The following ZBTB25 variants were observed in gnomAD, a reference collection of about 807,000 sequenced individuals.
The protein encoded by ZBTB25 is zinc finger and BTB domain containing 25.
In ZBTB25, 20 loss-of-function variants were observed where a neutral mutation model predicts 34.2. That is an observed-to-expected ratio of 0.58 (90% confidence interval 0.41 to 0.85). ZBTB25 has a LOEUF of 0.85. Ranked by LOEUF, ZBTB25 falls within the 40% of genes least tolerant of loss-of-function variation. The probability of loss-of-function intolerance (pLI) is 0.00; values close to 1 mark genes in which losing one functional copy is unlikely to be tolerated. For synonymous variants in ZBTB25, 175 were observed against 186.4 expected, an observed-to-expected ratio of 0.94 and a Z score of 0.50; for missense variants, 437 against 521.8, an observed-to-expected ratio of 0.84 and a Z score of 1.58.
intron 2 of ZBTB25, chr14:64,458,008 A>G: frequency 1.6e-6 from 1 of 609,566 alleles, no homozygotes; most frequent in Admixed American, 2.7e-5. Context: ...CTCCTGCCTT[A>G]GCATCCCAAG....
rs543054413 is a variant in ZBTB25, at chr14:64,502,834, G to C, written c.-8+827C>G. ...GTCTTCTCTGTAAAACGAGAGGGAT[G>C]AAACAGATTTTCTATAAGGCACCTC... On this transcript the variant is annotated intron_variant, in intron 1 of 2. Coordinates refer to ENST00000608382, the MANE Select transcript of ZBTB25 (RefSeq NM_006977.5). 1.4e-4 allele frequency: 132 copies of C among 973,946 alleles called. 1 individual carries two copies. The South Asian group carries it at 5.5e-3, about 41-fold the overall frequency. 60.3% of individuals were successfully genotyped at this position (973,946 alleles called of 1,614,324 possible).
At chr14:64,459,786 T>G (rs776174229) in intron 2 of ZBTB25, 2 of 1,534,662 alleles carry the variant, frequency 1.3e-6, no homozygotes, top group East Asian at 2.4e-5. Flanking sequence ...AGAAGCTACT[T>G]TGAAAGTCTG....
intron 2 of ZBTB25, among the ~76,000 whole-genome samples, chr14:64,488,708 CATAGAG>C (rs146251184): frequency 0.011 from 1,686 of 152,166 alleles, 23 homozygotes; most frequent in African/African-American, 0.039. Context: ...TAGGCAAATT[CATAGAG>C]ATAGAAAGTA....
Position 64,478,383 on chromosome 14 carries a change from A to G in ZBTB25, c.*8540T>C, listed in dbSNP as rs1295664204. The G allele has an allele frequency of 6.6e-6, 1 of 152,236 alleles. No homozygotes were observed. Among genetic ancestry groups the G allele is most frequent in the African/African-American group, 2.4e-5 (1 of 41,464 alleles). 9.4% of individuals were successfully genotyped at this position (152,236 alleles called of 1,614,324 possible). ...TATGAGAGAAGAAAGTCAGTTGTTG[A>G]ACCACAGTTGGAAAAGAAAGTAAAT... On this transcript the variant is annotated 3_prime_UTR_variant, in exon 3 of 3. Coordinates refer to ENST00000608382, the MANE Select transcript of ZBTB25 (RefSeq NM_006977.5).
chr14:64,482,334 C>G lies in ZBTB25; in HGVS notation c.*4589G>C, dbSNP rs1363562756. ...GGTGTGGTGGTGCGTGCCTATAGTT[C>G]CAGCTACTCGGGAGGCTGAGGAAGA... On this transcript the variant is annotated 3_prime_UTR_variant, in exon 3 of 3. Coordinates refer to ENST00000608382, the MANE Select transcript of ZBTB25 (RefSeq NM_006977.5). The G allele has an allele frequency of 6.6e-6, 1 of 152,220 alleles. No individual in the cohort carries two copies. The highest frequency in any genetic ancestry group is 2.4e-5 in the African/African-American group (1 of 41,422). The allele number at this position is 152,220 out of a possible 1,614,324, so 9.4% of individuals were successfully genotyped here. A position where few individuals can be genotyped will look rare whatever the true frequency, so the allele number is the denominator to read the frequency against.
rs1447512096 is a variant in ZBTB25, at chr14:64,485,387, T to C, written c.*1536A>G. ...GGCAAAAAAAGATGAGTCTGTTTTA[T>C]TATCCTTGACTATGCGGGGTTTGAA... On this transcript the variant is annotated 3_prime_UTR_variant, in exon 3 of 3. Coordinates refer to ENST00000608382, the MANE Select transcript of ZBTB25 (RefSeq NM_006977.5). The C allele has an allele frequency of 2.0e-6, 2 of 985,462 alleles. No individual in the cohort carries two copies. The highest frequency in any genetic ancestry group is 2.4e-6 in the Non-Finnish European group (2 of 829,932). 61.0% of individuals were successfully genotyped at this position (985,462 alleles called of 1,614,324 possible). A position where few individuals can be genotyped will look rare whatever the true frequency, so the allele number is the denominator to read the frequency against.
chr14:64,454,742 T>C, intron 2 of ZBTB25: 3 of 1,613,990 alleles, frequency 1.9e-6, no homozygotes, highest in South Asian at 2.2e-5. Flanking sequence ...AATCTCCCCA[T>C]CTGCATGGCT....
chr14:64,473,598 T>C (rs2078695443), downstream of ZBTB25: 1 of 167,108 alleles, frequency 6.0e-6, no homozygotes, highest in Admixed American at 6.5e-5. Flanking sequence ...ACCTTATTTT[T>C]TATAGTTAAG....
intron 2 of ZBTB25, chr14:64,454,703 C>T (rs375172283): frequency 1.9e-6 from 3 of 1,607,768 alleles, no homozygotes; most frequent in Non-Finnish European, 2.6e-6. Context: ...TGTCCTCCCT[C>T]TCTTCCCTTC....
chr14:64,483,267 G>C lies in ZBTB25; in HGVS notation c.*3656C>G, dbSNP rs2078815602. ...GTGGAGATGTAGTCAAAAAATAAAG[G>C]TTTTAGCTGGAAGAACTTTTTTTTT... is the stretch of plus-strand genomic sequence containing the variant. On this transcript the variant is annotated 3_prime_UTR_variant, in exon 3 of 3. Transcript: ENST00000608382. 1 of 152,122 alleles carries C rather than the reference G, an allele frequency of 6.6e-6. No individual in the cohort carries two copies. The highest frequency in any genetic ancestry group is 2.1e-4 in the South Asian group (1 of 4,824). The allele number at this position is 152,122 out of a possible 1,614,324, so 9.4% of individuals were successfully genotyped here. A position where few individuals can be genotyped will look rare whatever the true frequency, so the allele number is the denominator to read the frequency against.
chr14:64,504,543 TGCGGGTTGCGCCA>T (rs1203636211), upstream of ZBTB25: 1 of 180,944 alleles, frequency 5.5e-6, no homozygotes, highest in Non-Finnish European at 1.1e-5. Flanking sequence ...GCCCCCGCGG[TGCGGGTTGCGCCA>T]GCCTCCTCGG....
chr14:64,502,230 G>C (rs375291061), intron 1 of ZBTB25, among the ~76,000 whole-genome samples: 1 of 152,200 alleles, frequency 6.6e-6, no homozygotes. Context: ...AGACATTCAA[G>C]GTAGGACTGG....
At chr14:64,500,935 C>T (rs189138860) in intron 1 of ZBTB25, among the ~76,000 whole-genome samples, 3 of 152,324 alleles carry the variant, frequency 2.0e-5, no homozygotes, top group Non-Finnish European at 4.4e-5. Flanking sequence ...CCTGTAATCC[C>T]AGCTACTCGG....
intron 1 of ZBTB25, among the ~76,000 whole-genome samples, chr14:64,494,359 G>T (rs1454129329): frequency 6.6e-6 from 1 of 152,196 alleles, no homozygotes; most frequent in South Asian, 2.1e-4. Flanking sequence ...TAGGCCAAGC[G>T]CAGTGGCCCA....
chr14:64,483,945 A>AG lies in ZBTB25; in HGVS notation c.*2977_*2978insC, dbSNP rs2078830718. 6.8e-6 allele frequency: 1 copy of AG among 146,382 alleles called. No homozygotes were observed. Among genetic ancestry groups the AG allele is most frequent in the African/African-American group, 2.5e-5 (1 of 39,754 alleles). The allele number at this position is 146,382 out of a possible 1,614,324, so 9.1% of individuals were successfully genotyped here. ...GCGACACAGCACGACTGTCTCAAAA[A>AG]AAAAAAAAAAAAAAAAAAAAAAAGC... is the stretch of plus-strand genomic sequence containing the variant. On this transcript the variant is annotated 3_prime_UTR_variant, in exon 3 of 3. Coordinates refer to ENST00000608382, the MANE Select transcript of ZBTB25 (RefSeq NM_006977.5).
In ZBTB25 at chr14:64,454,625, G is replaced by A. The variant is rs999031689; in HGVS notation, c.174-4987C>T. ...GTATATAAAGGGAGTTGGATGTTTC[G>A]AATAAATTGAAGAATCCATGTAATC... On this transcript the variant is annotated intron_variant, in intron 2 of 2. Transcript: ENST00000555220. 64 of 984,402 alleles carry A rather than the reference G, an allele frequency of 6.5e-5. 1 individual carries two copies. The highest frequency in any genetic ancestry group is 5.5e-5 in the Non-Finnish European group (34 of 622,374). 61.0% of individuals were successfully genotyped at this position (984,402 alleles called of 1,614,324 possible).
intron 2 of ZBTB25, chr14:64,461,463 A>G (rs1468906463): frequency 6.6e-6 from 1 of 152,066 alleles, no homozygotes; most frequent in African/African-American, 2.4e-5. Context: ...CACATCATCT[A>G]AGATGCTTTG....
intron 2 of ZBTB25, among the ~76,000 whole-genome samples, chr14:64,456,991 C>T (rs767260260): frequency 6.6e-6 from 1 of 152,012 alleles, no homozygotes; most frequent in Non-Finnish European, 1.5e-5. Flanking sequence ...ACTTGCAAGC[C>T]GTACATATTT....
At chr14:64,449,742 C>A in intron 2 of ZBTB25, 2 of 1,188,528 alleles carry the variant, frequency 1.7e-6, no homozygotes, top group East Asian at 2.5e-5. Flanking sequence ...GTTTGATTCC[C>A]ACGTAGGTGA....
Sources: gnomAD v4.1 joint callset for allele counts (sites outside exome capture counted in the v4.1 genomes callset) on GRCh38, gnomAD v4.1.1 for gene constraint, MANE v1.5 for transcripts, NCBI Gene and HGNC (gene_info 2026-07-23, HGNC 2026-07-21) for gene names.